Variants in ARHGEF28 observed in about 807,000 individuals in gnomAD.
The protein encoded by ARHGEF28 is 190 kDa guanine nucleotide exchange factor.
ARHGEF28 carries 152 observed loss-of-function variants against 206.6 expected under a neutral mutation model. The ratio of observed to expected loss-of-function variants is 0.74; its 90% CI spans 0.64 to 0.84. The LOEUF is 0.84. Ranked by LOEUF, ARHGEF28 falls within the 40% of genes least tolerant of loss-of-function variation. The pLI, the probability that ARHGEF28 is intolerant of heterozygous loss-of-function variation, is 0.00. For synonymous variants in ARHGEF28, 763 were observed against 776.4 expected (o/e 0.98, Z 0.29); for missense variants, 2,028 against 2,073.2 (o/e 0.98, Z 0.42).
In ARHGEF28 at chr5:73,887,637, C is replaced by G. The variant is rs1382363589; in HGVS notation, c.3345C>G (p.Leu1115=). The change falls in exon 26 of 36, where the codon CTC becomes CTG. Residue 1115 remains leucine (L), a synonymous_variant. Coordinates refer to ENST00000513042, the MANE Select transcript of ARHGEF28 (RefSeq NM_001177693.2). ...ILALLLTDVL[L]FLQEKDQKYI... is the part of the protein sequence containing the mutation. ...CTCTACTTCTAACTGATGTGCTGCT[C>G]TTTTTACAAGAAAAAGACCAGAAAT... 1.9e-6 allele frequency: 3 copies of G among 1,573,736 alleles called. No homozygotes were observed. Among genetic ancestry groups the G allele is most frequent in the Non-Finnish European group, 2.6e-6 (3 of 1,158,076 alleles).
intron 35 of ARHGEF28, among the ~76,000 whole-genome samples, chr5:73,920,232 G>A (rs966645182): frequency 6.6e-6 from 1 of 152,152 alleles, no homozygotes; most frequent in Non-Finnish European, 1.5e-5. Flanking sequence ...TTGTAATATG[G>A]TGCATGTTAG....
intron 2 of ARHGEF28, among the ~76,000 whole-genome samples, chr5:73,719,386 A>G (rs534020679): frequency 1.0e-4 from 15 of 148,920 alleles, no homozygotes; most frequent in Non-Finnish European, 2.1e-4. Context: ...ACTTCAGCCT[A>G]GGCGACAGAG....
At chr5:73,681,231 C>T (rs2112240781) in intron 1 of ARHGEF28, among the ~76,000 whole-genome samples, 1 of 151,992 alleles carries the variant, frequency 6.6e-6, no homozygotes, top group Admixed American at 6.6e-5. Context: ...TGACTATAAA[C>T]ATAGATGACA....
chr5:73,806,821 A>AT (rs1561417975), intron 9 of ARHGEF28, among the ~76,000 whole-genome samples: 1 of 132,402 alleles, frequency 7.6e-6, no homozygotes, highest in African/African-American at 3.0e-5. Context: ...TGCCATATAT[A>AT]CGATATATCG....
chr5:73,821,219 G>A (rs1241633243), intron 9 of ARHGEF28, among the ~76,000 whole-genome samples: 1 of 152,042 alleles, frequency 6.6e-6, no homozygotes, highest in East Asian at 1.9e-4. Context: ...CAATTTGGAG[G>A]AATGCCAGGT....
rs1561213698 is a variant in ARHGEF28 at position 73,940,945 on chromosome 5, A to G, written c.5050A>G (p.Thr1684Ala). 2.6e-6 allele frequency: 4 copies of G among 1,534,748 alleles called. No homozygotes were observed. In the South Asian group the frequency reaches 4.8e-5, roughly 18 times the overall value. ...FITEAKLNLP[T>A]RTMTRQDGET... Reference sequence around the variant, plus strand: ...AACAGAAGCAAAGCTAAATCTACCGACAAGGACAATGACCAGACAAGATGG... The same window carrying G: ...AACAGAAGCAAAGCTAAATCTACCGGCAAGGACAATGACCAGACAAGATGG... The change falls in exon 36 of 36, where the codon ACA becomes GCA. Residue 1684 changes from threonine to alanine, a missense_variant. Physicochemically the swap from Thr to Ala is moderately conservative, Grantham distance 58. Around this residue, in one of 3 missense-constraint regions of ARHGEF28, gnomAD observed 803 missense variants for 768.0 expected, o/e 1.05. Transcript: ENST00000513042.
In ARHGEF28 at chr5:73,867,987, T is replaced by C; in HGVS notation, c.2264T>C (p.Leu755Ser). The C allele has an allele frequency of 6.2e-7, 1 of 1,613,954 alleles. No individual in the cohort carries two copies. Among genetic ancestry groups the C allele is most frequent in the South Asian group, 1.1e-5 (1 of 91,086 alleles). ...RRETVGQVHP[L>S]SRSVPGTTLE... ...GAGACTGTGGGACAGGTCCATCCAT[T>C]GTCCAGAAGTGTTCCAGGCACCACC... Residue 755 changes from leucine (L) to serine (S), a missense_variant, in exon 19 of 36, where the codon TTG (leucine) becomes TCG (serine). Leu to Ser is a moderately radical substitution (Grantham distance 145, BLOSUM62 -2). Around this residue, in one of 3 missense-constraint regions of ARHGEF28, gnomAD observed 1,002 missense variants for 1,015.3 expected, o/e 0.99. Transcript: ENST00000513042.
intron 2 of ARHGEF28, among the ~76,000 whole-genome samples, chr5:73,712,306 T>G (rs1176313582): frequency 2.0e-5 from 3 of 152,216 alleles, no homozygotes; most frequent in African/African-American, 7.2e-5. Flanking sequence ...AAGAAATGAA[T>G]TCCATATAAG....
rs916074915 is a variant in ARHGEF28 at position 73,792,283 on chromosome 5, G to A, written c.911-2119G>A. On this transcript the variant is annotated intron_variant, in intron 7 of 35. Transcript: ENST00000513042. The stretch of plus-strand genomic sequence containing the variant: ...TGAAAAAAATTGCACTGGACTACAC[G>A]GAAAAACGTAGGCATGGCAAGCTAT... Among the ~76,000 whole-genome samples, 21 of 152,078 alleles carry A rather than the reference G, an allele frequency of 1.4e-4. 1 individual carries two copies. Among genetic ancestry groups the A allele is most frequent in the South Asian group, 1.0e-3 (5 of 4,818 alleles).
chr5:73,892,008 A>G lies in ARHGEF28; in HGVS notation c.3388-44A>G, dbSNP rs1761671986. 3.9e-6 allele frequency: 6 copies of G among 1,544,932 alleles called. No individual in the cohort carries two copies. In the East Asian group the frequency reaches 1.4e-4, roughly 36 times the overall value. On this transcript the variant is annotated intron_variant, in intron 26 of 35. Coordinates refer to ENST00000513042, the MANE Select transcript of ARHGEF28 (RefSeq NM_001177693.2). ...CTCATGTTTTACGGAGCCTTACTTTAGCTAGGATGCTGTTTCATCTGCTCA... is the reference window on the plus strand; with the variant it reads ...CTCATGTTTTACGGAGCCTTACTTTGGCTAGGATGCTGTTTCATCTGCTCA...
intron 4 of ARHGEF28, among the ~76,000 whole-genome samples, chr5:73,772,179 T>G (rs981427448): frequency 2.0e-5 from 3 of 152,220 alleles, no homozygotes; most frequent in Non-Finnish European, 4.4e-5. Flanking sequence ...GAGTGTTTCC[T>G]TCTAATTGTT....
At chr5:73,852,383 G>C (rs897969264) in intron 13 of ARHGEF28, among the ~76,000 whole-genome samples, 2 of 152,134 alleles carry the variant, frequency 1.3e-5, no homozygotes, top group Non-Finnish European at 2.9e-5. Context: ...AATGTTTGCT[G>C]TCCCTTGCTG....
intron 2 of ARHGEF28, among the ~76,000 whole-genome samples, chr5:73,689,785 A>C (rs549901207): frequency 4.1e-4 from 63 of 152,232 alleles, no homozygotes; most frequent in Admixed American, 6.5e-4. Context: ...AAAACAAAAA[A>C]AAAAAACACC....
chr5:73,936,455 T>C (rs1244995103), intron 35 of ARHGEF28, among the ~76,000 whole-genome samples: 1 of 152,228 alleles, frequency 6.6e-6, no homozygotes, highest in African/African-American at 2.4e-5. Context: ...GATAATGAAC[T>C]TGGTTGTGTT....
intron 1 of ARHGEF28, among the ~76,000 whole-genome samples, chr5:73,629,429 T>C (rs1254034160): frequency 1.3e-5 from 2 of 151,202 alleles, no homozygotes; most frequent in African/African-American, 4.9e-5. Flanking sequence ...ATAGCTTGAG[T>C]TGGGGAAGTA....
chr5:73,786,003 A>T (rs1351131632), intron 7 of ARHGEF28, among the ~76,000 whole-genome samples: 1 of 151,332 alleles, frequency 6.6e-6, no homozygotes, highest in African/African-American at 2.4e-5. Flanking sequence ...CCATTCAGTA[A>T]ATATGTATTG....
chr5:73,926,424 G>A (rs1044248271), intron 35 of ARHGEF28, among the ~76,000 whole-genome samples: 2 of 152,110 alleles, frequency 1.3e-5, no homozygotes, highest in African/African-American at 4.8e-5. Context: ...GTATAGCTGA[G>A]CTCACCTCCT....
intron 2 of ARHGEF28, among the ~76,000 whole-genome samples, chr5:73,698,269 A>G (rs1748342904): frequency 6.6e-6 from 1 of 152,186 alleles, no homozygotes. Flanking sequence ...TGTAGTTAAA[A>G]TACCCCACCC....
intron 4 of ARHGEF28, among the ~76,000 whole-genome samples, chr5:73,768,426 A>G (rs1485347468): frequency 6.6e-6 from 1 of 152,150 alleles, no homozygotes; most frequent in Non-Finnish European, 1.5e-5. Flanking sequence ...ATGGGAAACC[A>G]CCTCTTGCAT....
Sources: gnomAD v4.1 joint callset for allele counts (sites outside exome capture counted in the v4.1 genomes callset) on GRCh38, gnomAD v4.1.1 for gene constraint, gnomAD v4.1.1 regional missense constraint, MANE v1.5 for transcripts, NCBI Gene and HGNC (gene_info 2026-07-23, HGNC 2026-07-21) for gene names.